Variants in ALK observed in about 807,000 individuals in gnomAD.
The protein encoded by ALK is ALK receptor tyrosine kinase.
ALK carries 74 observed loss-of-function variants against 163.1 expected under a neutral mutation model. That is an observed-to-expected ratio of 0.45 (90% CI 0.38 to 0.55). ALK has a LOEUF of 0.55. ALK is among the 20% of genes least tolerant of loss of function. The probability of loss-of-function intolerance (pLI) is 0.00; values close to 1 mark genes in which losing one functional copy is unlikely to be tolerated. For missense variants in ALK, 2,063 were observed against 2,105.3 expected, an observed-to-expected ratio of 0.98 and a Z score of 0.39; for synonymous variants, 960 against 843.2, an observed-to-expected ratio of 1.14 and a Z score of -2.40.
At chr2:29,479,579 A>C (rs921074857) in intron 4 of ALK, among the ~76,000 whole-genome samples, 2 of 152,246 alleles carry the variant, frequency 1.3e-5, no homozygotes, top group African/African-American at 4.8e-5. Flanking sequence ...GTGGCTTTGC[A>C]AATCTCCTTT....
At chr2:29,770,448 T>C (rs1332838885) in intron 1 of ALK, among the ~76,000 whole-genome samples, 1 of 152,236 alleles carries the variant, frequency 6.6e-6, no homozygotes, top group East Asian at 1.9e-4. Context: ...TCTAGTGTCC[T>C]ACTCTTACTA....
chr2:29,671,918 T>G (rs1308127999), intron 3 of ALK, among the ~76,000 whole-genome samples: 2 of 151,954 alleles, frequency 1.3e-5, no homozygotes, highest in Non-Finnish European at 1.5e-5. Flanking sequence ...AAATTTTTAG[T>G]TTTTAATTAC....
At chr2:29,480,206 G>A (rs116671061) in intron 4 of ALK, among the ~76,000 whole-genome samples, 3,380 of 152,270 alleles carry the variant, frequency 0.022, 78 homozygotes, top group African/African-American at 0.06. Flanking sequence ...GTCTCATGTG[G>A]AATAACACCA....
At chr2:29,686,978 T>C (rs1678260037) in intron 3 of ALK, among the ~76,000 whole-genome samples, 1 of 151,944 alleles carries the variant, frequency 6.6e-6, no homozygotes, top group South Asian at 2.1e-4. Flanking sequence ...GAGAGACGAG[T>C]GACGTGTTTC....
chr2:29,586,038 C>G lies in ALK; in HGVS notation c.953-53922G>C, dbSNP rs62131137. On this transcript the variant is annotated intron_variant, in intron 3 of 28. Coordinates refer to ENST00000389048, the MANE Select transcript of ALK (RefSeq NM_004304.5). ...AACAGCATAAAAAGCATGCCTATTTCATCACAACCTCATTGGCATTATTGT... is the reference window on the plus strand; with the variant it reads ...AACAGCATAAAAAGCATGCCTATTTGATCACAACCTCATTGGCATTATTGT... Among the ~76,000 whole-genome samples, 550 of 152,276 alleles carry G rather than the reference C, an allele frequency of 3.6e-3. 1 individual carries two copies. In the Middle Eastern group the frequency reaches 0.068, roughly 19 times the overall value.
chr2:29,884,278 G>A (rs1284693177), intron 1 of ALK, among the ~76,000 whole-genome samples: 1 of 152,150 alleles, frequency 6.6e-6, no homozygotes, highest in Non-Finnish European at 1.5e-5. Flanking sequence ...GTGCAATACT[G>A]TAAACCTTTA....
At chr2:29,602,005 C>A (rs1224063266) in intron 3 of ALK, among the ~76,000 whole-genome samples, 3 of 152,100 alleles carry the variant, frequency 2.0e-5, no homozygotes, top group Non-Finnish European at 2.9e-5. Flanking sequence ...GGTGTGAGTG[C>A]CTCAAGGGTT....
chr2:29,382,745 C>A (rs1668930852), intron 5 of ALK, among the ~76,000 whole-genome samples: 1 of 152,154 alleles, frequency 6.6e-6, no homozygotes, highest in Non-Finnish European at 1.5e-5. Flanking sequence ...TTATACATTG[C>A]CTCATATCAT....
chr2:29,724,605 GGA>G (rs1452561337), intron 1 of ALK, among the ~76,000 whole-genome samples: 1 of 152,212 alleles, frequency 6.6e-6, no homozygotes, highest in Non-Finnish European at 1.5e-5. Context: ...TTCAGAGAAA[GGA>G]GAGAGTTTGC....
At position 29,276,639 on chromosome 2, in the gene ALK, G is replaced by T. The variant is rs540486972; in HGVS notation, c.1818-1143C>A. On this transcript the variant is annotated intron_variant, in intron 9 of 28. Coordinates refer to ENST00000389048, the MANE Select transcript of ALK (RefSeq NM_004304.5). ...ATATGGTACAGCCATATGATGGGAC[G>T]CCAGTCAATGGTCAAAAATGGACCC... Among the ~76,000 whole-genome samples the T allele has an allele frequency of 2.6e-5, 4 of 152,278 alleles. No homozygotes were observed. In the South Asian group the frequency reaches 8.3e-4, roughly 32 times the overall value.
At chr2:29,340,855 T>C (rs1667769100) in intron 5 of ALK, among the ~76,000 whole-genome samples, 1 of 152,218 alleles carries the variant, frequency 6.6e-6, no homozygotes, top group Admixed American at 6.5e-5. Flanking sequence ...CCTTGGCCTC[T>C]AATCCAAATC....
intron 1 of ALK, among the ~76,000 whole-genome samples, chr2:29,857,002 G>A (rs758398097): frequency 4.0e-5 from 6 of 151,612 alleles, no homozygotes; most frequent in African/African-American, 9.7e-5. Context: ...ACAGGACCAC[G>A]GGGGTGGGAT....
At chr2:29,698,636 C>T (rs1161615346) in intron 2 of ALK, among the ~76,000 whole-genome samples, 1 of 152,194 alleles carries the variant, frequency 6.6e-6, no homozygotes, top group Non-Finnish European at 1.5e-5. Flanking sequence ...AACAGACAGA[C>T]AGTGCAATAT....
chr2:29,247,284 A>G (rs1335225470), intron 12 of ALK, among the ~76,000 whole-genome samples: 2 of 152,344 alleles, frequency 1.3e-5, no homozygotes, highest in South Asian at 2.1e-4. Context: ...CCTCTGGGGC[A>G]GGGCTGGATC....
At chr2:29,426,778 G>A (rs896702994) in intron 4 of ALK, among the ~76,000 whole-genome samples, 2 of 151,992 alleles carry the variant, frequency 1.3e-5, no homozygotes, top group African/African-American at 2.4e-5. Flanking sequence ...GGTGGCTCAC[G>A]CCTGTAATCC....
chr2:29,689,532 C>T (rs1433728046), intron 3 of ALK, among the ~76,000 whole-genome samples: 1 of 152,164 alleles, frequency 6.6e-6, no homozygotes. Context: ...AATCTGGTCT[C>T]CTCTGAACCT....
chr2:29,318,897 C>T (rs1666919782), intron 7 of ALK, among the ~76,000 whole-genome samples: 1 of 152,126 alleles, frequency 6.6e-6, no homozygotes, highest in African/African-American at 2.4e-5. Flanking sequence ...CTGTGAGGTC[C>T]CAGCACCATC....
At chr2:29,835,670 T>A (rs981250403) in intron 1 of ALK, among the ~76,000 whole-genome samples, 3 of 152,214 alleles carry the variant, frequency 2.0e-5, no homozygotes, top group African/African-American at 7.2e-5. Flanking sequence ...TCCCATGAGT[T>A]ATGGGAGGGA....
At chr2:29,397,668 G>A (rs1009930091) in intron 4 of ALK, among the ~76,000 whole-genome samples, 1 of 152,192 alleles carries the variant, frequency 6.6e-6, no homozygotes, top group Non-Finnish European at 1.5e-5. Context: ...CTTATTTCTT[G>A]CAAAGCAGCC....
Sources: allele counts gnomAD v4.1 joint callset (sites outside exome capture counted in the v4.1 genomes callset), GRCh38; gene constraint gnomAD v4.1.1; transcripts MANE v1.5; gene names NCBI Gene and HGNC (gene_info 2026-07-23, HGNC 2026-07-21).